Variants in NCS1 observed in about 807,000 individuals in gnomAD.
The protein encoded by NCS1 is neuronal calcium sensor 1, also known as frequenin homolog.
A neutral mutation model predicts 28.4 loss-of-function variants in NCS1; 6 were observed. The ratio of observed to expected loss-of-function variants is 0.21; its 90% confidence interval spans 0.12 to 0.42. The LOEUF (loss-of-function observed/expected upper bound fraction) is 0.42. Among genes scored for constraint, NCS1 ranks in the 10% least tolerant of loss-of-function variants. The pLI is 1.00. For missense variants in NCS1, 131 were observed against 241.4 expected, an observed-to-expected ratio of 0.54 and a Z score of 3.03; for synonymous variants, 86 against 99.3, an observed-to-expected ratio of 0.87 and a Z score of 0.79.
At chr9:130,211,522 G>A (rs548444619) in intron 2 of NCS1, among the ~76,000 whole-genome samples, 1 of 151,478 alleles carries the variant, frequency 6.6e-6, no homozygotes, top group South Asian at 2.1e-4. Flanking sequence ...TCCACTGTGG[G>A]TCTGGAATCA....
intron 6 of NCS1, among the ~76,000 whole-genome samples, chr9:130,224,170 C>T (rs1252341760): frequency 6.7e-6 from 1 of 149,438 alleles, no homozygotes; most frequent in Non-Finnish European, 1.5e-5. Flanking sequence ...TAAAGGGAAC[C>T]AAAGCCAGGT....
chr9:130,220,485 G>A (rs1833262717), intron 4 of NCS1, among the ~76,000 whole-genome samples: 1 of 152,108 alleles, frequency 6.6e-6, no homozygotes, highest in Non-Finnish European at 1.5e-5. Context: ...GGGGATGAGA[G>A]GAGCTGGGGA....
intron 1 of NCS1, among the ~76,000 whole-genome samples, chr9:130,195,136 T>C (rs1321491100): frequency 6.6e-6 from 1 of 152,214 alleles, no homozygotes; most frequent in East Asian, 1.9e-4. Context: ...GCTAGATGCC[T>C]GAGTCCCATT....
Position 130,175,086 on chromosome 9 carries a change from G to A in NCS1, c.64+2359G>A, listed in dbSNP as rs936798410. On this transcript the variant is annotated intron_variant, in intron 1 of 7. Transcript: ENST00000372398. The surrounding 1 kb of genome is among the most constrained non-coding windows in gnomAD (Gnocchi z 4.9). The stretch of plus-strand genomic sequence containing the variant: ...TCGAAGCCCTTATTAGGGGTGGGCC[G>A]TTGGAGGTGGCGGTGGGTTCATTGG... 6.6e-6 allele frequency among the ~76,000 whole-genome samples: 1 copy of A among 152,112 alleles called. No individual in the cohort carries two copies. The highest frequency in any genetic ancestry group is 2.1e-4 in the South Asian group (1 of 4,832).
At chr9:130,201,986 T>A (rs1832954643) in intron 2 of NCS1, among the ~76,000 whole-genome samples, 1 of 152,176 alleles carries the variant, frequency 6.6e-6, no homozygotes, top group African/African-American at 2.4e-5. Flanking sequence ...TCAGCCCAAG[T>A]CGCCTCCACC....
rs972822750 is a variant in NCS1, at chr9:130,232,880, C to T, written c.*18-110C>T. The stretch of plus-strand genomic sequence containing the variant: ...CTTCTGACATAGAATGCCAGCTTGC[C>T]ATCTATCGACCTTCCTGCCAGCTCT... On this transcript the variant is annotated intron_variant, in intron 7 of 7. Coordinates refer to ENST00000372398, the MANE Select transcript of NCS1 (RefSeq NM_014286.4). The surrounding 1 kb of genome is among the most constrained non-coding windows in gnomAD (Gnocchi z 4.4). 2 of 152,668 alleles carry T rather than the reference C, an allele frequency of 1.3e-5. No individual in the cohort carries two copies. The highest frequency in any genetic ancestry group is 2.9e-5 in the Non-Finnish European group (2 of 68,074). 9.5% of individuals were successfully genotyped at this position (152,668 alleles called of 1,614,324 possible).
Position 130,177,429 on chromosome 9 carries a change from C to A in NCS1, c.64+4702C>A, listed in dbSNP as rs1352543283. 6.6e-6 allele frequency among the ~76,000 whole-genome samples: 1 copy of A among 152,158 alleles called. No individual in the cohort carries two copies. The highest frequency in any genetic ancestry group is 1.9e-4 in the East Asian group (1 of 5,198). ...GCTGCGTGGGGACATGGAGGGCCCA[C>A]AGCCAGGCACAGGGTGAGCCACAAG... On this transcript the variant is annotated intron_variant, in intron 1 of 7. Coordinates refer to ENST00000372398, the MANE Select transcript of NCS1 (RefSeq NM_014286.4). This position sits in a 1 kb window ranked among gnomAD's most constrained non-coding sequence, Gnocchi z 4.4.
rs1046685723 is a variant in NCS1 at position 130,192,351 on chromosome 9, G to T, written c.65-8607G>T. ...CTTGTCCAAGGTCGAGGGTTAATGAGTCTGGGGCCCGGCCACGTTGTCTGG... is the reference window on the plus strand; with the variant it reads ...CTTGTCCAAGGTCGAGGGTTAATGATTCTGGGGCCCGGCCACGTTGTCTGG... On this transcript the variant is annotated intron_variant, in intron 1 of 7. Transcript: ENST00000372398. The surrounding 1 kb of genome is among the most constrained non-coding windows in gnomAD (Gnocchi z 4.8). Among the ~76,000 whole-genome samples, 3 of 152,200 alleles carry T rather than the reference G, an allele frequency of 2.0e-5. No homozygotes were observed. Among genetic ancestry groups the T allele is most frequent in the South Asian group, 4.2e-4 (2 of 4,810 alleles).
chr9:130,225,570 C>T (rs1452896569), intron 6 of NCS1, among the ~76,000 whole-genome samples: 2 of 152,242 alleles, frequency 1.3e-5, no homozygotes, highest in African/African-American at 2.4e-5. Flanking sequence ...CTGACTTCTC[C>T]GTTTCCCAGC....
At chr9:130,190,447 T>C (rs1832802931) in intron 1 of NCS1, among the ~76,000 whole-genome samples, 1 of 152,202 alleles carries the variant, frequency 6.6e-6, no homozygotes, top group African/African-American at 2.4e-5. Flanking sequence ...CTTAGTTTTC[T>C]GGTGAGAAAA....
rs1470206687 is a variant in NCS1 at position 130,200,318 on chromosome 9, C to T, written c.65-640C>T. On this transcript the variant is annotated intron_variant, in intron 1 of 7. Coordinates refer to ENST00000372398, the MANE Select transcript of NCS1 (RefSeq NM_014286.4). ...AAAAGCATTTTTGTTTGTTTCATGG[C>T]TCAGTAAAGAATGGGTATGTGGGCT... The T allele has an allele frequency of 1.3e-5, 7 of 522,904 alleles. No individual in the cohort carries two copies. In the Admixed American group the frequency reaches 2.0e-4, roughly 15 times the overall value. The allele number at this position is 522,904 out of a possible 1,614,324, so 32.4% of individuals were successfully genotyped here. A position where few individuals can be genotyped will look rare whatever the true frequency, so the allele number is the denominator to read the frequency against.
At chr9:130,178,174 A>G (rs1213144200) in intron 1 of NCS1, among the ~76,000 whole-genome samples, 1 of 152,090 alleles carries the variant, frequency 6.6e-6, no homozygotes, top group African/African-American at 2.4e-5. Context: ...CATGAGGGGA[A>G]CCTTTCAAAA....
Position 130,216,364 on chromosome 9 carries a change from G to A in NCS1, c.90-1468G>A, listed in dbSNP as rs551463235. ...TTCGATCCCACCTCAGCTGTAGTCCGGGCTTCGAGGACTTGCAAATGTCTT... is the reference window on the plus strand; with the variant it reads ...TTCGATCCCACCTCAGCTGTAGTCCAGGCTTCGAGGACTTGCAAATGTCTT... On this transcript the variant is annotated intron_variant, in intron 2 of 7. Coordinates refer to ENST00000372398, the MANE Select transcript of NCS1 (RefSeq NM_014286.4). Among the ~76,000 whole-genome samples, 90 of 152,248 alleles carry A rather than the reference G, an allele frequency of 5.9e-4. 1 individual carries two copies. The South Asian group carries it at 0.017, about 29-fold the overall frequency.
intron 1 of NCS1, among the ~76,000 whole-genome samples, chr9:130,200,012 G>T (rs912831496): frequency 6.6e-6 from 1 of 152,146 alleles, no homozygotes; most frequent in Non-Finnish European, 1.5e-5. Flanking sequence ...ATTCTTTGAC[G>T]CCAGGCCTGG....
rs980334545 is a variant in NCS1, at chr9:130,200,584, G to A, written c.65-374G>A. 3.1e-5 allele frequency: 48 copies of A among 1,551,598 alleles called. No homozygotes were observed. The East Asian group carries it at 4.2e-4, about 13-fold the overall frequency. On this transcript the variant is annotated intron_variant, in intron 1 of 7. Coordinates refer to ENST00000372398, the MANE Select transcript of NCS1 (RefSeq NM_014286.4). ...AAGCCAGGGCCTTCCCTGACATCCC[G>A]TCCCCAGGGATTGAGAGATGGCAAC...
intron 7 of NCS1, among the ~76,000 whole-genome samples, chr9:130,229,858 A>C (rs1403874793): frequency 6.6e-6 from 1 of 152,156 alleles, no homozygotes; most frequent in Non-Finnish European, 1.5e-5. Flanking sequence ...ATAGCTCATA[A>C]TTCCTAGATC....
At position 130,182,033 on chromosome 9, in the gene NCS1, A is replaced by G. The variant is rs142713058; in HGVS notation, c.64+9306A>G. Among the ~76,000 whole-genome samples the G allele has an allele frequency of 7.4e-3, 1,129 of 152,130 alleles. 36 individuals carry two copies. The South Asian group carries it at 0.088, about 12-fold the overall frequency. ...CCAGGTGATAAGCTGCCACTCCCCAAGGCAGTAGGGGAGTATTGTGGTTGG... is the reference window on the plus strand; with the variant it reads ...CCAGGTGATAAGCTGCCACTCCCCAGGGCAGTAGGGGAGTATTGTGGTTGG... On this transcript the variant is annotated intron_variant, in intron 1 of 7. Coordinates refer to ENST00000372398, the MANE Select transcript of NCS1 (RefSeq NM_014286.4).
chr9:130,223,055 C>T, intron 5 of NCS1, 27 bp from the exon 6 acceptor site: 6 of 1,602,428 alleles, frequency 3.7e-6, no homozygotes, highest in Non-Finnish European at 5.1e-6. Context: ...GTGCCAGGGC[C>T]CACCCCCGCC....
At chr9:130,183,695 C>CT (rs1208342700) in intron 1 of NCS1, among the ~76,000 whole-genome samples, 1 of 151,024 alleles carries the variant, frequency 6.6e-6, no homozygotes, top group African/African-American at 2.4e-5. Context: ...TCCTTTCTTT[C>CT]TTTTTTTCTC....
Sources: allele counts gnomAD v4.1 joint callset (sites outside exome capture counted in the v4.1 genomes callset), GRCh38; gene constraint gnomAD v4.1.1; non-coding constraint Gnocchi (gnomAD v3.1); transcripts MANE v1.5; gene names NCBI Gene and HGNC (gene_info 2026-07-23, HGNC 2026-07-21).